The following NAGK variants were observed in gnomAD, a reference collection of about 807,000 sequenced individuals.
NAGK encodes the protein N-acetylglucosamine kinase, also known as N-acetyl-D-glucosamine kinase.
In NAGK, 35 loss-of-function variants were observed where a neutral mutation model predicts 42.9. The observed-to-expected ratio is 0.82, with a 90% CI of 0.62 to 1.08. NAGK has a LOEUF of 1.08. Ranked by LOEUF, NAGK falls within the 50% of genes least tolerant of loss-of-function variation. The pLI is 0.00. For missense variants in NAGK, 446 were observed against 446.0 expected (o/e 1.00, Z 0.00); for synonymous variants, 172 against 176.0 (o/e 0.98, Z 0.18).
At chr2:71,071,040 C>A in intron 3 of NAGK, 2 of 580,726 alleles carry the variant, frequency 3.4e-6, no homozygotes, top group Non-Finnish European at 6.2e-6. Flanking sequence ...GAGCACAGGG[C>A]TTTGGAGAGC....
Position 71,071,088 on chromosome 2 carries a change from A to G in NAGK, c.213+249A>G, listed in dbSNP as rs760528122. 120 of 505,646 alleles carry G rather than the reference A, an allele frequency of 2.4e-4. 1 individual carries two copies. Among genetic ancestry groups the G allele is most frequent in the Non-Finnish European group, 5.8e-5 (16 of 276,466 alleles). 31.3% of individuals were successfully genotyped at this position (505,646 alleles called of 1,614,324 possible). ...GGTTTGAATCCCAGCTTTGCTGCTC[A>G]GTATCTGCGTAACCCTGTGTAGGTT... On this transcript the variant is annotated intron_variant, in intron 3 of 9. Coordinates refer to ENST00000244204, the MANE Select transcript of NAGK (RefSeq NM_017567.6).
chr2:71,071,601 G>C (rs1308338230), intron 3 of NAGK, 85 bp from the exon 4 acceptor site: 1 of 1,488,612 alleles, frequency 6.7e-7, no homozygotes, highest in Non-Finnish European at 9.0e-7. Context: ...GGGAGAACAG[G>C]AATCAGGCAT....
chr2:71,075,786 G>T, intron 7 of NAGK, 144 bp downstream of exon 7: 3 of 789,398 alleles, frequency 3.8e-6, no homozygotes, highest in Non-Finnish European at 6.4e-6. Context: ...GGCCTTGGTG[G>T]TGGTGGGCCT....
chr2:71,073,356 T>G, intron 5 of NAGK, 126 bp from the exon 6 acceptor site: 1 of 363,546 alleles, frequency 2.8e-6, no homozygotes, highest in Admixed American at 2.6e-5. Flanking sequence ...CACCCCTGGC[T>G]GGGAATCAGG....
upstream of NAGK, chr2:71,068,325 A>C: frequency 1.9e-6 from 1 of 521,298 alleles, no homozygotes; most frequent in Non-Finnish European, 3.1e-6. Flanking sequence ...CCGGGCGTTT[A>C]CAGGCAGGCA....
At chr2:71,074,905 G>A (rs950227251) in intron 6 of NAGK, 2 of 152,022 alleles carry the variant, frequency 1.3e-5, no homozygotes, top group African/African-American at 4.8e-5. Context: ...GACAGAGCGA[G>A]ACTCTGCCTC....
rs370597669 is a variant in NAGK at position 71,068,657 on chromosome 2, G to T, written c.-27G>T. ...TCAGGCGGGGAGAGACGCAAACGGCGGGACCAGCAGCGACGGTAGCAGCAG... is the reference window on the plus strand; with the variant it reads ...TCAGGCGGGGAGAGACGCAAACGGCTGGACCAGCAGCGACGGTAGCAGCAG... On this transcript the variant is annotated 5_prime_UTR_variant, in exon 1 of 10. Transcript: ENST00000244204. The T allele has an allele frequency of 4.1e-5, 63 of 1,521,282 alleles. No individual in the cohort carries two copies. The highest frequency in any genetic ancestry group is 5.5e-5 in the East Asian group (2 of 36,266). The allele number at this position is 1,521,282 out of a possible 1,614,324, so 94.2% of individuals were successfully genotyped here.
At chr2:71,074,243 T>TGGGCTG (rs767966927) in intron 6 of NAGK, among the ~76,000 whole-genome samples, 63 of 151,954 alleles carry the variant, frequency 4.1e-4, no homozygotes, top group Non-Finnish European at 8.1e-4. Context: ...GACATTTAGG[T>TGGGCTG]GGGCTGGGGC....
chr2:71,077,715 C>G, intron 9 of NAGK, 79 bp downstream of exon 9: 2 of 1,462,078 alleles, frequency 1.4e-6, no homozygotes, highest in Non-Finnish European at 1.9e-6. Flanking sequence ...GCTTTTTGCC[C>G]CAGAGAGAAC....
rs1394984824 is a variant in NAGK, at chr2:71,078,819, C to T, written c.*311C>T. On this transcript the variant is annotated 3_prime_UTR_variant, in exon 10 of 10. Transcript: ENST00000244204. Reference sequence around the variant, plus strand: ...GGGCAGATGATTTGTCTGTGTGCTACCCTTCCCCCCATATTACCATACATA... The same window carrying T: ...GGGCAGATGATTTGTCTGTGTGCTATCCTTCCCCCCATATTACCATACATA... The T allele has an allele frequency of 3.5e-6, 1 of 287,444 alleles. No homozygotes were observed. Among genetic ancestry groups the T allele is most frequent in the Non-Finnish European group, 6.6e-6 (1 of 151,980 alleles). The allele number at this position is 287,444 out of a possible 1,614,324, so 17.8% of individuals were successfully genotyped here.
chr2:71,078,449 C>A lies in NAGK; in HGVS notation c.976C>A (p.Leu326Ile), dbSNP rs574939127. 1.2e-5 allele frequency: 20 copies of A among 1,612,546 alleles called. No homozygotes were observed. In the East Asian group the frequency reaches 4.0e-4, roughly 32 times the overall value. The change falls in exon 10 of 10, where the codon CTC (leucine) becomes ATC (isoleucine). Residue 326 changes from leucine to isoleucine, a missense_variant. Physicochemically the swap from Leu to Ile is conservative, Grantham distance 5. Transcript: ENST00000244204. ...ASLGARHIGHLLPMDYSANAI... is the reference protein window; with the variant it reads ...ASLGARHIGHILPMDYSANAI... ...CCTAGGGGCCAGGCACATCGGGCAC[C>A]TCCTCCCCATGGACTATAGCGCCAA...
At chr2:71,071,644 G>A (rs565210713) in intron 3 of NAGK, 42 bp from the exon 4 acceptor site, 1 of 1,577,752 alleles carries the variant, frequency 6.3e-7, no homozygotes, top group South Asian at 1.1e-5. Context: ...AAAGAGCTGG[G>A]GCTGGGGCTC....
At position 71,071,793 on chromosome 2, in the gene NAGK, T is replaced by TGCC; in HGVS notation, c.326_328dup (p.Ala109dup). The TGCC allele has an allele frequency of 6.2e-7, 1 of 1,614,126 alleles. No individual in the cohort carries two copies. Among genetic ancestry groups the TGCC allele is most frequent in the Non-Finnish European group, 8.5e-7 (1 of 1,180,024 alleles). ...GTGAAAGCTACTTAATCACCACCGA[T>TGCC]GCCGCCGGCTCCATCGCCACAGCTA... is the stretch of plus-strand genomic sequence containing the variant. On this transcript the variant is annotated inframe_insertion, in exon 4 of 10. Coordinates refer to ENST00000244204, the MANE Select transcript of NAGK (RefSeq NM_017567.6).
Position 71,070,767 on chromosome 2 carries a change from G to A in NAGK, c.141G>A (p.Glu47=), listed in dbSNP as rs756078628. The A allele has an allele frequency of 6.2e-7, 1 of 1,614,116 alleles. No individual in the cohort carries two copies. Among genetic ancestry groups the A allele is most frequent in the East Asian group, 2.2e-5 (1 of 44,900 alleles). The change falls in exon 3 of 10, where the codon GAG becomes GAA. Residue 47 remains glutamate (E), a synonymous_variant. Transcript: ENST00000244204. Reference sequence around the variant, plus strand: ...TGATCGGGACAGACAAGTGTGTGGAGAGGATCAATGAGATGGTGAACAGGG... The same window carrying A: ...TGATCGGGACAGACAAGTGTGTGGAAAGGATCAATGAGATGGTGAACAGGG... ...HWLIGTDKCV[E]RINEMVNRAK... is the part of the protein sequence containing the mutation.
chr2:71,079,728 G>A lies in NAGK; in HGVS notation c.*1220G>A, dbSNP rs530773777. On this transcript the variant is annotated 3_prime_UTR_variant, in exon 10 of 10. Transcript: ENST00000244204. ...ACCCAGGAGGTGGAGCTTGCAGTGAGCCGAGGTCGCACCACTGCACTCCAG... is the reference window on the plus strand; with the variant it reads ...ACCCAGGAGGTGGAGCTTGCAGTGAACCGAGGTCGCACCACTGCACTCCAG... 1 of 152,320 alleles carries A rather than the reference G, an allele frequency of 6.6e-6. No homozygotes were observed. The highest frequency in any genetic ancestry group is 1.5e-5 in the Non-Finnish European group (1 of 68,052). The allele number at this position is 152,320 out of a possible 1,614,324, so 9.4% of individuals were successfully genotyped here. A position where few individuals can be genotyped will look rare whatever the true frequency, so the allele number is the denominator to read the frequency against.
intron 2 of NAGK, 30 bp downstream of exon 2, chr2:71,070,616 CT>C (rs755747781): frequency 2.7e-5 from 44 of 1,606,992 alleles, no homozygotes; most frequent in Non-Finnish European, 3.6e-5. Context: ...GATCAGAGGG[CT>C]TGGTTCTGAT....
chr2:71,075,433 G>T (rs1196163510), intron 6 of NAGK, 122 bp from the exon 7 acceptor site: 3 of 686,498 alleles, frequency 4.4e-6, no homozygotes, highest in Non-Finnish European at 7.7e-6. Context: ...CTGTACTTTG[G>T]AGTTAAAAAA....
intron 7 of NAGK, 46 bp from the exon 8 acceptor site, chr2:71,076,558 T>TC (rs749975296): frequency 4.8e-6 from 7 of 1,469,852 alleles, no homozygotes; most frequent in Admixed American, 1.7e-5. Context: ...GAATGGCAGC[T>TC]CCCTCCTTTC....
intron 7 of NAGK, 189 bp downstream of exon 7, chr2:71,075,831 G>A (rs1477370949): frequency 3.3e-6 from 2 of 597,988 alleles, no homozygotes; most frequent in Admixed American, 2.9e-5. Flanking sequence ...GGGTCGTGTT[G>A]ACAGTTTTGT....
Sources: gnomAD v4.1 joint callset for allele counts (sites outside exome capture counted in the v4.1 genomes callset) on GRCh38, gnomAD v4.1.1 for gene constraint, MANE v1.5 for transcripts, NCBI Gene and HGNC (gene_info 2026-07-23, HGNC 2026-07-21) for gene names.